Variants in TBL1XR1 observed in about 807,000 individuals in gnomAD.
TBL1XR1 encodes F-box-like/WD repeat-containing protein TBL1XR1.
TBL1XR1 carries 5 observed loss-of-function variants against 66.9 expected under a neutral mutation model. The ratio of observed to expected loss-of-function variants is 0.07; its 90% CI spans 0.04 to 0.16. The LOEUF is 0.16. Ranked by LOEUF, TBL1XR1 falls within the 10% of genes least tolerant of loss-of-function variation. The pLI is 1.00. For synonymous variants in TBL1XR1, 210 were observed against 206.0 expected, an observed-to-expected ratio of 1.02 and a Z score of -0.17; for missense variants, 238 against 623.2, an observed-to-expected ratio of 0.38 and a Z score of 6.58.
chr3:177,193,819 T>C (rs1736475263), intron 1 of TBL1XR1, among the ~76,000 whole-genome samples: 1 of 152,270 alleles, frequency 6.6e-6, no homozygotes, highest in African/African-American at 2.4e-5. Context: ...TTCAGTCATC[T>C]AAGACAGACC....
At chr3:177,106,031 T>A (rs867310374) in intron 1 of TBL1XR1, among the ~76,000 whole-genome samples, 8 of 152,100 alleles carry the variant, frequency 5.3e-5, no homozygotes, top group Admixed American at 2.6e-4. Flanking sequence ...TTAAGATTAA[T>A]GATGACAAAC....
intron 5 of TBL1XR1, among the ~76,000 whole-genome samples, chr3:177,051,145 T>C (rs1577027947): frequency 2.6e-5 from 4 of 152,316 alleles, no homozygotes; most frequent in African/African-American, 9.6e-5. Context: ...TTTGGAGCTT[T>C]AGGAATAAAA....
intron 3 of TBL1XR1, among the ~76,000 whole-genome samples, chr3:177,058,344 A>T (rs890181206): frequency 2.0e-5 from 3 of 152,308 alleles, no homozygotes; most frequent in Admixed American, 6.5e-5. Flanking sequence ...AAAATGACAC[A>T]GGGGATCTTT....
rs1187374100 is a variant in TBL1XR1 at position 177,026,491 on chromosome 3, C to A, written c.1417-17G>T. 6.4e-7 allele frequency: 1 copy of A among 1,550,522 alleles called. No individual in the cohort carries two copies. The highest frequency in any genetic ancestry group is 8.7e-7 in the Non-Finnish European group (1 of 1,150,532). The stretch of plus-strand genomic sequence containing the variant: ...AGCACCTGTCTAAAAGAATGAAAAA[C>A]AAAATCTTAAAAATCGTAATACATA... On this transcript the variant is annotated splice_polypyrimidine_tract_variant and intron_variant, in intron 14 of 15. Transcript: ENST00000457928.
chr3:177,043,762 T>C (rs947470711), intron 10 of TBL1XR1, among the ~76,000 whole-genome samples: 4 of 152,186 alleles, frequency 2.6e-5, no homozygotes, highest in African/African-American at 9.7e-5. Context: ...TTTCCCCTTT[T>C]TGTATTTCTA....
intron 2 of TBL1XR1, among the ~76,000 whole-genome samples, chr3:177,076,587 G>C (rs1720733375): frequency 6.6e-6 from 1 of 152,184 alleles, no homozygotes; most frequent in South Asian, 2.1e-4. Flanking sequence ...GAAAGCCTGG[G>C]AAGACAAATA....
intron 1 of TBL1XR1, among the ~76,000 whole-genome samples, chr3:177,159,262 T>G (rs1731883297): frequency 6.6e-6 from 1 of 152,096 alleles, no homozygotes; most frequent in South Asian, 2.1e-4. Flanking sequence ...CTGAAAGAAG[T>G]AGCTACTTGA....
intron 10 of TBL1XR1, among the ~76,000 whole-genome samples, chr3:177,042,849 A>C (rs1715779003): frequency 6.6e-6 from 1 of 152,058 alleles, no homozygotes; most frequent in Non-Finnish European, 1.5e-5. Flanking sequence ...AGCCTCCATA[A>C]TTTTAAAAGA....
chr3:177,033,149 G>T lies in TBL1XR1; in HGVS notation c.1251-13C>A. 1 of 1,502,998 alleles carries T rather than the reference G, an allele frequency of 6.7e-7. No individual in the cohort carries two copies. The highest frequency in any genetic ancestry group is 1.3e-5 in the South Asian group (1 of 74,230). 93.1% of individuals were successfully genotyped at this position (1,502,998 alleles called of 1,614,324 possible). On this transcript the variant is annotated splice_polypyrimidine_tract_variant and intron_variant, in intron 13 of 15. Coordinates refer to ENST00000457928, the MANE Select transcript of TBL1XR1 (RefSeq NM_024665.7). Reference sequence around the variant, plus strand: ...ATCAAAGGATGCACTGAAAAAGGAAGGAAAGAAAGTTAATTTATAAGTAAG... The same window carrying T: ...ATCAAAGGATGCACTGAAAAAGGAATGAAAGAAAGTTAATTTATAAGTAAG...
intron 1 of TBL1XR1, among the ~76,000 whole-genome samples, chr3:177,192,139 T>C (rs1199608992): frequency 1.3e-5 from 2 of 151,072 alleles, no homozygotes; most frequent in African/African-American, 4.9e-5. Flanking sequence ...GGCTCACGCC[T>C]GTAATCCCAG....
intron 1 of TBL1XR1, among the ~76,000 whole-genome samples, chr3:177,167,494 A>T (rs1477964997): frequency 6.6e-6 from 1 of 152,234 alleles, no homozygotes; most frequent in Non-Finnish European, 1.5e-5. Context: ...GGTGATAATG[A>T]TGTCAACTTA....
intron 1 of TBL1XR1, among the ~76,000 whole-genome samples, chr3:177,142,689 T>C (rs1729767945): frequency 6.6e-6 from 1 of 152,146 alleles, no homozygotes; most frequent in African/African-American, 2.4e-5. Context: ...AATAAGTAAA[T>C]TTAAGAAGCA....
rs1712916726 is a variant in TBL1XR1 at position 177,025,078 on chromosome 3, A to G, written c.*420T>C. On this transcript the variant is annotated 3_prime_UTR_variant, in exon 16 of 16. Coordinates refer to ENST00000457928, the MANE Select transcript of TBL1XR1 (RefSeq NM_024665.7). ...GTTTTTGTAAGTCCATTTTCTCTGTACATACAAACTGCTCACTACTGAAGG... is the reference window on the plus strand; with the variant it reads ...GTTTTTGTAAGTCCATTTTCTCTGTGCATACAAACTGCTCACTACTGAAGG... 1 of 169,140 alleles carries G rather than the reference A, an allele frequency of 5.9e-6. No individual in the cohort carries two copies. The allele number at this position is 169,140 out of a possible 1,614,324, so 10.5% of individuals were successfully genotyped here.
chr3:177,083,608 AT>A (rs1281930716), intron 2 of TBL1XR1, among the ~76,000 whole-genome samples: 1 of 152,172 alleles, frequency 6.6e-6, no homozygotes, highest in Non-Finnish European at 1.5e-5. Flanking sequence ...TACTATGAAA[AT>A]TTTCAAACAT....
rs10691347 is a variant in TBL1XR1 at position 177,064,727 on chromosome 3, T to TTG, written c.58+191_58+192dup. On this transcript the variant is annotated intron_variant, in intron 3 of 15. Coordinates refer to ENST00000457928, the MANE Select transcript of TBL1XR1 (RefSeq NM_024665.7). ...AGCCAAACTGTTACAAATAATTGCC[T>TTG]TGTTTGCAACATATTTGAAAGAGTC... Among the ~76,000 whole-genome samples, 54,412 of 151,940 alleles carry TTG rather than the reference T, an allele frequency of 0.36. 10,034 individuals carry two copies. Among genetic ancestry groups the TTG allele is most frequent in the East Asian group, 0.5 (2,581 of 5,176 alleles).
chr3:177,071,126 G>A (rs1719949540), intron 2 of TBL1XR1, among the ~76,000 whole-genome samples: 2 of 146,602 alleles, frequency 1.4e-5, no homozygotes, highest in South Asian at 4.3e-4. Flanking sequence ...CGCCTCCCAG[G>A]TTCACGCCAT....
chr3:177,142,552 C>A (rs1014301120), intron 1 of TBL1XR1, among the ~76,000 whole-genome samples: 2 of 152,150 alleles, frequency 1.3e-5, no homozygotes, highest in Non-Finnish European at 2.9e-5. Flanking sequence ...TCACCTGGTG[C>A]AAAGTCCAAG....
intron 3 of TBL1XR1, among the ~76,000 whole-genome samples, chr3:177,059,435 G>A (rs1214549510): frequency 6.6e-6 from 1 of 152,174 alleles, no homozygotes; most frequent in African/African-American, 2.4e-5. Context: ...AGGTTAGTTT[G>A]TGCCTACTGT....
chr3:177,123,591 T>TTTGA (rs3979212), intron 1 of TBL1XR1, among the ~76,000 whole-genome samples: 94,192 of 151,388 alleles, frequency 0.62, 29,507 homozygotes, highest in Middle Eastern at 0.72. Context: ...CCAATTCTGC[T>TTTGA]TTAATATTTT....
Sources: gnomAD v4.1 joint callset for allele counts (sites outside exome capture counted in the v4.1 genomes callset) on GRCh38, gnomAD v4.1.1 for gene constraint, MANE v1.5 for transcripts, NCBI Gene and HGNC (gene_info 2026-07-23, HGNC 2026-07-21) for gene names.